DDX49: variants seen among roughly 807,000 people sequenced by gnomAD.
DDX49 encodes probable ATP-dependent RNA helicase DDX49.
DDX49 carries 50 observed loss-of-function variants against 56.3 expected under a neutral mutation model. That is an observed-to-expected ratio of 0.89 (90% CI 0.71 to 1.12). The LOEUF (loss-of-function observed/expected upper bound fraction) is 1.12, where lower values mean the gene tolerates loss of function less well. DDX49 is among the 50% of genes most tolerant of loss of function. The pLI, the probability that DDX49 is intolerant of heterozygous loss-of-function variation, is 0.00. For synonymous variants in DDX49, 269 were observed against 270.6 expected (o/e 0.99, Z 0.06); for missense variants, 614 against 650.5 (o/e 0.94, Z 0.61).
chr19:18,927,657 C>A (rs2056972267), intron 10 of DDX49, 109 bp from the exon 11 acceptor site: 1 of 857,954 alleles, frequency 1.2e-6, no homozygotes, highest in South Asian at 1.5e-5. Context: ...GATATGGCCC[C>A]AGATGGCCTT....
Position 18,927,760 on chromosome 19 carries a change from C to G in DDX49, c.1103-6C>G. 6.2e-7 allele frequency: 1 copy of G among 1,613,800 alleles called. No individual in the cohort carries two copies. The highest frequency in any genetic ancestry group is 8.5e-7 in the Non-Finnish European group (1 of 1,179,888). Reference sequence around the variant, plus strand: ...ACCCCCACCCCCGGCTTTGCTGTCCCCACAGAGAAGAAGCTGGAGGAGTTC... The same window carrying G: ...ACCCCCACCCCCGGCTTTGCTGTCCGCACAGAGAAGAAGCTGGAGGAGTTC... On this transcript the variant is annotated splice_polypyrimidine_tract_variant and splice_region_variant and intron_variant, in intron 10 of 12. Coordinates refer to ENST00000247003, the MANE Select transcript of DDX49 (RefSeq NM_019070.5).
intron 2 of DDX49, 146 bp from the exon 3 acceptor site, chr19:18,921,517 C>T (rs2056916948): frequency 1.3e-6 from 1 of 758,194 alleles, no homozygotes; most frequent in Non-Finnish European, 2.2e-6. Context: ...CAATGGCCTC[C>T]AAGGCTCAGC....
At chr19:18,924,156 CA>C in intron 6 of DDX49, 76 bp from the exon 7 acceptor site, 6 of 1,451,080 alleles carry the variant, frequency 4.1e-6, no homozygotes, top group East Asian at 2.3e-5. Flanking sequence ...CTAGGTGTCT[CA>C]GGGGCGGGTG....
At chr19:18,920,777 G>C (rs975842275) in intron 2 of DDX49, 74 bp downstream of exon 2, 2 of 1,473,596 alleles carry the variant, frequency 1.4e-6, no homozygotes, top group Non-Finnish European at 1.8e-6. Flanking sequence ...TTCCCTCTCT[G>C]AGCGCCCTTT....
intron 9 of DDX49, among the ~76,000 whole-genome samples, chr19:18,925,971 C>A (rs546377136): frequency 6.6e-6 from 1 of 152,346 alleles, no homozygotes; most frequent in South Asian, 2.1e-4. Flanking sequence ...CAGAAAACAG[C>A]AAGCAGAGAT....
intron 6 of DDX49, among the ~76,000 whole-genome samples, chr19:18,923,425 G>C (rs1038856665): frequency 3.3e-5 from 5 of 152,180 alleles, no homozygotes; most frequent in African/African-American, 9.7e-5. Flanking sequence ...GGGAAGGTGA[G>C]GCGGGAGAAT....
intron 2 of DDX49, 55 bp from the exon 3 acceptor site, chr19:18,921,607 TG>T: frequency 2.6e-6 from 4 of 1,529,766 alleles, no homozygotes; most frequent in South Asian, 1.1e-5. Context: ...GAGAGGGGAA[TG>T]GGGGGCAGGT....
intron 8 of DDX49, 89 bp from the exon 9 acceptor site, chr19:18,924,793 C>T: frequency 6.2e-7 from 1 of 1,612,700 alleles, no homozygotes; most frequent in East Asian, 2.2e-5. Flanking sequence ...TCAGGCAGCC[C>T]TAGCATCCCT....
rs781676970 is a variant in DDX49 at position 18,924,734 on chromosome 19, C to T, written c.929+35C>T. The T allele has an allele frequency of 8.4e-5, 135 of 1,613,946 alleles. 1 individual carries two copies. The highest frequency in any genetic ancestry group is 6.6e-4 in the Middle Eastern group (4 of 6,060). Reference sequence around the variant, plus strand: ...CCCCAGTCTCCTGCCAAGGGCACTCCCTCTTTTACTACAAGGCCCCACAGA... The same window carrying T: ...CCCCAGTCTCCTGCCAAGGGCACTCTCTCTTTTACTACAAGGCCCCACAGA... On this transcript the variant is annotated intron_variant, in intron 8 of 12. Transcript: ENST00000247003.
intron 8 of DDX49, 36 bp downstream of exon 8, chr19:18,924,735 C>A (rs772124444): frequency 6.2e-7 from 1 of 1,613,974 alleles, no homozygotes; most frequent in Non-Finnish European, 8.5e-7. Flanking sequence ...AGGGCACTCC[C>A]TCTTTTACTA....
At chr19:18,926,153 A>G (rs935586525) in intron 9 of DDX49, 150 bp from the exon 10 acceptor site, 77 of 778,952 alleles carry the variant, frequency 9.9e-5, no homozygotes, top group Non-Finnish European at 1.2e-4. Context: ...CTTGGGGTCA[A>G]GCCCAGACAC....
intron 9 of DDX49, 145 bp downstream of exon 9, chr19:18,925,124 C>G: frequency 1.1e-6 from 1 of 933,768 alleles, no homozygotes; most frequent in Non-Finnish European, 1.5e-6. Flanking sequence ...GTTGTCCTTT[C>G]TAAAGCAAAG....
intron 6 of DDX49, 117 bp from the exon 7 acceptor site, chr19:18,924,116 C>G: frequency 9.9e-7 from 1 of 1,008,560 alleles, no homozygotes; most frequent in East Asian, 2.4e-5. Flanking sequence ...CCTGCTGCCT[C>G]TCCTTTCTAA....
chr19:18,925,036 C>A, intron 9 of DDX49, 57 bp downstream of exon 9: 1 of 1,577,478 alleles, frequency 6.3e-7, no homozygotes, highest in Non-Finnish European at 8.6e-7. Flanking sequence ...GCCTGCCCAG[C>A]AAATTCAGGT....
chr19:18,924,976 G>A lies in DDX49; in HGVS notation c.1024G>A (p.Ala342Thr). 1 of 1,610,078 alleles carries A rather than the reference G, an allele frequency of 6.2e-7. No individual in the cohort carries two copies. The highest frequency in any genetic ancestry group is 8.5e-7 in the Non-Finnish European group (1 of 1,179,672). ...CCACCGAGTCGGCCGGACGGCCCGT[G>A]CAGGTGAGCAGTGGAGGGGGAGGCC... ...YIHRVGRTAR[A>T]GRQGQAITLV... The change falls in exon 9 of 13, where the codon GCA (alanine) becomes ACA (threonine). Residue 342 changes from alanine to threonine, a missense_variant. Transcript: ENST00000247003.
rs145421176 is a variant in DDX49, at chr19:18,920,529, C to G, written c.116-51C>G. On this transcript the variant is annotated intron_variant, in intron 1 of 12. Coordinates refer to ENST00000247003, the MANE Select transcript of DDX49 (RefSeq NM_019070.5). Reference sequence around the variant, plus strand: ...TGTGTCCTGGGCAAGGTCTCTGAAACCCAGCTGTCCACACATGGAGGGTGT... The same window carrying G: ...TGTGTCCTGGGCAAGGTCTCTGAAAGCCAGCTGTCCACACATGGAGGGTGT... The G allele has an allele frequency of 2.4e-3, 3,718 of 1,546,542 alleles. 8 individuals carry two copies. Among genetic ancestry groups the G allele is most frequent in the Non-Finnish European group, 2.8e-3 (3,192 of 1,132,752 alleles).
At chr19:18,921,242 G>A (rs1232027825) in intron 2 of DDX49, among the ~76,000 whole-genome samples, 2 of 152,186 alleles carry the variant, frequency 1.3e-5, no homozygotes. Flanking sequence ...AATGCCAGGC[G>A]GAGGGTTAGA....
chr19:18,924,493 G>A (rs1372014265), intron 7 of DDX49, 130 bp from the exon 8 acceptor site: 12 of 1,150,514 alleles, frequency 1.0e-5, no homozygotes, highest in South Asian at 3.8e-5. Flanking sequence ...CATTTGTCCC[G>A]GTCTGACTTC....
chr19:18,925,883 G>A (rs1006654843), intron 9 of DDX49, among the ~76,000 whole-genome samples: 6 of 152,100 alleles, frequency 3.9e-5, no homozygotes, highest in Admixed American at 6.5e-5. Context: ...AATGAGAATG[G>A]TGACGTCCTC....
Sources: allele counts gnomAD v4.1 joint callset (sites outside exome capture counted in the v4.1 genomes callset), GRCh38; gene constraint gnomAD v4.1.1; transcripts MANE v1.5; gene names NCBI Gene and HGNC (gene_info 2026-07-23, HGNC 2026-07-21).